MACROD2: variants seen among roughly 807,000 people sequenced by gnomAD.
MACROD2 encodes the protein ADP-ribose glycohydrolase MACROD2.
Under a neutral mutation model 70.4 loss-of-function variants are expected in MACROD2, and 36 were observed. That is an observed-to-expected ratio of 0.51 (90% CI 0.39 to 0.68). The LOEUF (loss-of-function observed/expected upper bound fraction) is 0.68. Ranked by LOEUF, MACROD2 falls within the 30% of genes least tolerant of loss-of-function variation. The pLI is 0.00. For missense variants in MACROD2, 496 were observed against 538.4 expected (o/e 0.92, Z 0.78); for synonymous variants, 172 against 178.8 (o/e 0.96, Z 0.30).
chr20:14,806,185 T>C (rs1420618420), intron 5 of MACROD2, among the ~76,000 whole-genome samples: 1 of 152,090 alleles, frequency 6.6e-6, no homozygotes, highest in African/African-American at 2.4e-5. Flanking sequence ...TAGGATCAGC[T>C]CAGATCTGGA....
chr20:15,359,225 A>G (rs2078324149), intron 6 of MACROD2, among the ~76,000 whole-genome samples: 1 of 151,226 alleles, frequency 6.6e-6, no homozygotes, highest in South Asian at 2.2e-4. Flanking sequence ...TCGTTTCTTT[A>G]TTATTTACTT....
chr20:15,139,869 G>A (rs2076178676), intron 5 of MACROD2, among the ~76,000 whole-genome samples: 1 of 152,144 alleles, frequency 6.6e-6, no homozygotes, highest in Admixed American at 6.5e-5. Flanking sequence ...GGCATATAGA[G>A]ACTGGGTTGC....
chr20:14,126,461 G>A (rs6110177), intron 3 of MACROD2, among the ~76,000 whole-genome samples: 2 of 152,164 alleles, frequency 1.3e-5, no homozygotes, highest in African/African-American at 2.4e-5. Flanking sequence ...GGTCCATGTA[G>A]GCATACCTCA....
intron 8 of MACROD2, among the ~76,000 whole-genome samples, chr20:15,842,607 G>A (rs1474842851): frequency 6.6e-6 from 1 of 150,894 alleles, no homozygotes; most frequent in Non-Finnish European, 1.5e-5. Flanking sequence ...ATTGCTATTT[G>A]AACATCACAA....
intron 3 of MACROD2, among the ~76,000 whole-genome samples, chr20:14,205,376 G>A (rs545956870): frequency 6.6e-6 from 1 of 152,176 alleles, no homozygotes; most frequent in Non-Finnish European, 1.5e-5. Context: ...TAAGCACAAA[G>A]GAAACCCCTC....
At chr20:14,811,266 G>T (rs2072707238) in intron 5 of MACROD2, among the ~76,000 whole-genome samples, 1 of 151,816 alleles carries the variant, frequency 6.6e-6, no homozygotes, top group South Asian at 2.1e-4. Flanking sequence ...CAGAACATAG[G>T]CCTCAGAAAT....
chr20:15,777,628 T>A (rs2051753176), intron 8 of MACROD2, among the ~76,000 whole-genome samples: 1 of 105,954 alleles, frequency 9.4e-6, no homozygotes, highest in African/African-American at 4.1e-5. Flanking sequence ...CCTCCCTCCC[T>A]CCTTCCTTCC....
chr20:15,027,557 TGG>T (rs869211791), intron 5 of MACROD2, among the ~76,000 whole-genome samples: 4 of 110,798 alleles, frequency 3.6e-5, no homozygotes, highest in Non-Finnish European at 4.7e-5. Context: ...GTGGTGGTGG[TGG>T]GGGGAAATAA....
At chr20:14,064,282 T>C (rs1371043259) in intron 2 of MACROD2, among the ~76,000 whole-genome samples, 1 of 152,170 alleles carries the variant, frequency 6.6e-6, no homozygotes, top group African/African-American at 2.4e-5. Flanking sequence ...TTTACATGTG[T>C]ACCTATGTTG....
rs571767457 is a variant in MACROD2, at chr20:14,226,266, G to A, written c.271+140538G>A. Among the ~76,000 whole-genome samples, 236 of 152,298 alleles carry A rather than the reference G, an allele frequency of 1.5e-3. 1 individual carries two copies. The highest frequency in any genetic ancestry group is 5.6e-3 in the African/African-American group (233 of 41,576). On this transcript the variant is annotated intron_variant, in intron 3 of 17. Coordinates refer to ENST00000684519, the MANE Select transcript of MACROD2 (RefSeq NM_001351661.2). Reference sequence around the variant, plus strand: ...GGGTGTGGCCCTTAGCAGAGGTATTGGCACTGGTAGCTGTTTGTATACATA... The same window carrying A: ...GGGTGTGGCCCTTAGCAGAGGTATTAGCACTGGTAGCTGTTTGTATACATA...
intron 8 of MACROD2, among the ~76,000 whole-genome samples, chr20:15,834,423 C>A (rs2064090377): frequency 1.3e-5 from 2 of 152,154 alleles, no homozygotes; most frequent in South Asian, 4.1e-4. Context: ...AAATCCCATT[C>A]CCAACTACCA....
intron 5 of MACROD2, among the ~76,000 whole-genome samples, chr20:14,847,707 A>G (rs1166650749): frequency 1.3e-5 from 2 of 152,096 alleles, no homozygotes; most frequent in Admixed American, 1.3e-4. Flanking sequence ...TTTTGAGTGC[A>G]TACTTTTTGC....
At chr20:15,951,038 A>G (rs1049739511) in intron 12 of MACROD2, among the ~76,000 whole-genome samples, 2 of 152,170 alleles carry the variant, frequency 1.3e-5, no homozygotes, top group South Asian at 4.1e-4. Flanking sequence ...CGCAGTTTAA[A>G]GTTTTGATTT....
At chr20:14,917,218 C>T (rs766774698) in intron 5 of MACROD2, among the ~76,000 whole-genome samples, 1 of 150,430 alleles carries the variant, frequency 6.6e-6, no homozygotes, top group Non-Finnish European at 1.5e-5. Flanking sequence ...TCTCCAGAAC[C>T]CCTCCCAGCG....
chr20:15,421,094 A>G (rs1027715198), intron 6 of MACROD2, among the ~76,000 whole-genome samples: 2 of 152,134 alleles, frequency 1.3e-5, no homozygotes, highest in African/African-American at 2.4e-5. Context: ...TCTAAAAAAA[A>G]CACAAGGGTG....
intron 8 of MACROD2, among the ~76,000 whole-genome samples, chr20:15,654,925 C>T (rs995031496): frequency 6.6e-6 from 1 of 152,112 alleles, no homozygotes; most frequent in African/African-American, 2.4e-5. Flanking sequence ...CTGTAGATAT[C>T]GGCACACAGT....
At chr20:14,205,248 G>A (rs2081513257) in intron 3 of MACROD2, among the ~76,000 whole-genome samples, 1 of 152,098 alleles carries the variant, frequency 6.6e-6, no homozygotes, top group South Asian at 2.1e-4. Flanking sequence ...AATACTCTAG[G>A]TAGTTACTAC....
chr20:16,034,367 C>G (rs1286544978), intron 15 of MACROD2, among the ~76,000 whole-genome samples: 1 of 152,032 alleles, frequency 6.6e-6, no homozygotes, highest in East Asian at 1.9e-4. Context: ...TCTCCTTTCA[C>G]TTAGTTGCAC....
chr20:14,568,339 G>A (rs1362789735), intron 4 of MACROD2, among the ~76,000 whole-genome samples: 1 of 151,986 alleles, frequency 6.6e-6, no homozygotes, highest in Non-Finnish European at 1.5e-5. Context: ...TTACAAGAAA[G>A]GTTCCCCAAT....
Sources: gnomAD v4.1 joint callset for allele counts (sites outside exome capture counted in the v4.1 genomes callset) on GRCh38, gnomAD v4.1.1 for gene constraint, MANE v1.5 for transcripts, NCBI Gene and HGNC (gene_info 2026-07-23, HGNC 2026-07-21) for gene names.